The following CCDC59 variants were observed in gnomAD, a reference collection of about 807,000 sequenced individuals.
CCDC59 encodes the protein thyroid transcription factor 1-associated protein 26.
CCDC59 carries 27 observed loss-of-function variants against 30.5 expected under a neutral mutation model. The observed-to-expected ratio is 0.89, with a 90% CI of 0.65 to 1.22. The LOEUF (loss-of-function observed/expected upper bound fraction) is 1.22, where lower values mean the gene tolerates loss of function less well. Ranked by LOEUF, CCDC59 falls within the 50% of genes most tolerant of loss-of-function variation. The pLI is 0.00. For synonymous variants in CCDC59, 125 were observed against 100.9 expected, an observed-to-expected ratio of 1.24 and a Z score of -1.43; for missense variants, 362 against 284.4, an observed-to-expected ratio of 1.27 and a Z score of -1.96.
chr12:82,358,462 G>A (rs113490046), upstream of CCDC59: 29 of 1,602,324 alleles, frequency 1.8e-5, 1 homozygote, highest in African/African-American at 1.9e-4. Context: ...TCGCTCAGAA[G>A]GAATCCGGCT....
chr12:82,358,179 C>G (rs535564580), intron 1 of CCDC59, 44 bp downstream of exon 1: 11 of 1,612,020 alleles, frequency 6.8e-6, no homozygotes, highest in Middle Eastern at 1.7e-4. Context: ...TATCCTAAAA[C>G]TTAGCAAGCC....
Position 82,357,236 on chromosome 12 carries a change from A to T in CCDC59, c.188T>A (p.Ile63Lys), listed in dbSNP as rs966625252. 5.0e-6 allele frequency: 8 copies of T among 1,613,618 alleles called. No individual in the cohort carries two copies. Among genetic ancestry groups the T allele is most frequent in the Non-Finnish European group, 6.8e-6 (8 of 1,179,772 alleles). Residue 63 changes from isoleucine to lysine, a missense_variant, in exon 2 of 4, where the codon ATA becomes AAA. Transcript: ENST00000256151. ...TAGCAATTTCTTGTAACTTTGCTGTATTTTCAGTTTTCTTCGAAAAGCAAA... is the reference window on the plus strand; with the variant it reads ...TAGCAATTTCTTGTAACTTTGCTGTTTTTTCAGTTTTCTTCGAAAAGCAAA... ...QGFAFRRKLK[I>K]QQSYKKLLRK...
chr12:82,353,197 T>A lies in CCDC59; in HGVS notation c.680A>T (p.Asn227Ile). The A allele has an allele frequency of 6.2e-7, 1 of 1,610,446 alleles. No individual in the cohort carries two copies. Among genetic ancestry groups the A allele is most frequent in the Non-Finnish European group, 8.5e-7 (1 of 1,179,200 alleles). The change falls in exon 4 of 4, where the codon AAT (asparagine) becomes ATT (isoleucine). Residue 227 changes from asparagine to isoleucine, a missense_variant. By Grantham distance (149) the Asn-to-Ile change is moderately radical (BLOSUM62 -3). Transcript: ENST00000256151. ...TTGAAGAAGGTACTCCATTTGTACA[T>A]TCAAGTTTGGTTGGCCCTTTTTAGT... The part of the protein sequence containing the change: ...KKTKKGQPNL[N>I]VQMEYLLQKI...
chr12:82,353,363 G>A (rs369268859), intron 3 of CCDC59, 51 bp from the exon 4 acceptor site: 62 of 1,422,904 alleles, frequency 4.4e-5, no homozygotes, highest in African/African-American at 1.4e-5. Context: ...AGTAGATACA[G>A]TTCAGAAATT....
chr12:82,354,020 G>GT lies in CCDC59; in HGVS notation c.564+474dup, dbSNP rs34312454. Among the ~76,000 whole-genome samples, 85 of 149,374 alleles carry GT rather than the reference G, an allele frequency of 5.7e-4. 1 individual carries two copies. Among genetic ancestry groups the GT allele is most frequent in the African/African-American group, 1.6e-3 (67 of 40,742 alleles). The stretch of plus-strand genomic sequence containing the variant: ...CTTTTGCTAAGCTAAAATAATAGTT[G>GT]TTTTTTTTTTTTAAACAGGCAAGAA... On this transcript the variant is annotated intron_variant, in intron 3 of 3. Coordinates refer to ENST00000256151, the MANE Select transcript of CCDC59 (RefSeq NM_014167.5).
chr12:82,356,870 G>GA (rs1565785441), intron 2 of CCDC59, 90 bp downstream of exon 2: 1 of 1,061,076 alleles, frequency 9.4e-7, no homozygotes, highest in African/African-American at 1.6e-5. Flanking sequence ...TGTTAAATAA[G>GA]AAAAAATACA....
At position 82,357,205 on chromosome 12, in the gene CCDC59, C is replaced by T; in HGVS notation, c.219G>A (p.Lys73=). The change falls in exon 2 of 4, where the codon AAG becomes AAA. Residue 73 remains lysine (K), a synonymous_variant. Transcript: ENST00000256151. Reference sequence around the variant, plus strand: ...CCAGTGACGTTTGAGCCTTCTTTTCCTTCCGTAGCAATTTCTTGTAACTTT... The same window carrying T: ...CCAGTGACGTTTGAGCCTTCTTTTCTTTCCGTAGCAATTTCTTGTAACTTT... ...IQQSYKKLLR[K]EKKAQTSLES... 6.2e-7 allele frequency: 1 copy of T among 1,614,106 alleles called. No individual in the cohort carries two copies. Among genetic ancestry groups the T allele is most frequent in the Non-Finnish European group, 8.5e-7 (1 of 1,179,990 alleles).
At position 82,354,500 on chromosome 12, in the gene CCDC59, T is replaced by C; in HGVS notation, c.559A>G (p.Lys187Glu). The C allele has an allele frequency of 2.5e-6, 4 of 1,589,528 alleles. No individual in the cohort carries two copies. The highest frequency in any genetic ancestry group is 3.4e-6 in the Non-Finnish European group (4 of 1,167,952). Residue 187 changes from lysine (K) to glutamate (E), a missense_variant, in exon 3 of 4, where the codon AAA becomes GAA. Physicochemically the swap from Lys to Glu is moderately conservative, Grantham distance 56. Coordinates refer to ENST00000256151, the MANE Select transcript of CCDC59 (RefSeq NM_014167.5). The part of the protein sequence containing the change: ...EQIQAKRAAK[K>E]QEFERRKQER... ...ATTTTCAAAGTAGAACTTACTTGTT[T>C]CTTAGCAGCACGTTTGGCTTGTATC...
At chr12:82,355,516 G>A (rs930954880) in intron 2 of CCDC59, 3 of 152,258 alleles carry the variant, frequency 2.0e-5, no homozygotes, top group Non-Finnish European at 4.4e-5. Flanking sequence ...AATTGTGAAG[G>A]AAAAATAAAT....
upstream of CCDC59, chr12:82,358,731 G>C (rs1296889798): frequency 4.3e-6 from 7 of 1,614,038 alleles, no homozygotes; most frequent in East Asian, 1.1e-4. Context: ...CTTGCCACCG[G>C]AGACAGTGCT....
chr12:82,353,202 G>A lies in CCDC59; in HGVS notation c.675C>T (p.Asn225=), dbSNP rs1475426518. The change falls in exon 4 of 4, where the codon AAC becomes AAT. Residue 225 remains asparagine (N), a synonymous_variant. Transcript: ENST00000256151. ...GAAGGTACTCCATTTGTACATTCAA[G>A]TTTGGTTGGCCCTTTTTAGTCTTTT... is the stretch of plus-strand genomic sequence containing the variant. ...LNKKTKKGQP[N]LNVQMEYLLQ... 6.2e-7 allele frequency: 1 copy of A among 1,610,278 alleles called. No homozygotes were observed. Among genetic ancestry groups the A allele is most frequent in the Admixed American group, 1.7e-5 (1 of 59,392 alleles).
chr12:82,353,352 C>G (rs563915330), intron 3 of CCDC59, 40 bp from the exon 4 acceptor site: 13 of 1,461,796 alleles, frequency 8.9e-6, no homozygotes, highest in Non-Finnish European at 1.1e-5. Flanking sequence ...TAGCAACAAA[C>G]AGTAGATACA....
intron 2 of CCDC59, 76 bp from the exon 3 acceptor site, chr12:82,354,670 T>C (rs1049375510): frequency 8.9e-6 from 12 of 1,351,976 alleles, no homozygotes; most frequent in African/African-American, 4.5e-5. Context: ...CAGTTGTAGC[T>C]TTTAAGAGTA....
Position 82,354,243 on chromosome 12 carries a change from T to G in CCDC59, c.564+252A>C, listed in dbSNP as rs529417457. On this transcript the variant is annotated intron_variant, in intron 3 of 3. Transcript: ENST00000256151. ...AAACTCAGTGAAACTTTGTCCCAGATGTTCACAATATTGACCTATAAACAA... is the reference window on the plus strand; with the variant it reads ...AAACTCAGTGAAACTTTGTCCCAGAGGTTCACAATATTGACCTATAAACAA... Among the ~76,000 whole-genome samples, 6 of 152,276 alleles carry G rather than the reference T, an allele frequency of 3.9e-5. No homozygotes were observed. The South Asian group carries it at 1.0e-3, about 26-fold the overall frequency.
Position 82,358,363 on chromosome 12 carries a change from C to G in CCDC59, c.14G>C (p.Arg5Thr). 6.2e-7 allele frequency: 1 copy of G among 1,613,614 alleles called. No homozygotes were observed. Among genetic ancestry groups the G allele is most frequent in the Non-Finnish European group, 8.5e-7 (1 of 1,180,022 alleles). ...ACCAGGCCGCCACTTCGCGGACCGC[C>G]TCACCGGCGCCATTGCAGCCGACTA... is the stretch of plus-strand genomic sequence containing the variant. MAPVRRSAKWRPGGI... is the reference protein window; with the variant it reads MAPVTRSAKWRPGGI... Residue 5 changes from arginine to threonine, a missense_variant, in exon 1 of 4, where the codon AGG becomes ACG. Coordinates refer to ENST00000256151, the MANE Select transcript of CCDC59 (RefSeq NM_014167.5).
At chr12:82,358,804 TGGAAGCAGAGTG>T (rs778726275), upstream of CCDC59, 4 of 1,607,684 alleles carry the variant, frequency 2.5e-6, no homozygotes, top group African/African-American at 5.5e-5. Context: ...CGCCCCCTAG[TGGAAGCAGAGTG>T]GGAAGCAGGT....
Position 82,352,523 on chromosome 12 carries a change from G to A in CCDC59, c.*628C>T, listed in dbSNP as rs1392777806. On this transcript the variant is annotated 3_prime_UTR_variant, in exon 4 of 4. Transcript: ENST00000256151. ...TTAAAGTATAGGGTCCATAGGAACTGGAAAGCTTAATTCTTGCTGTGACAC... is the reference window on the plus strand; with the variant it reads ...TTAAAGTATAGGGTCCATAGGAACTAGAAAGCTTAATTCTTGCTGTGACAC... The A allele has an allele frequency of 2.6e-5, 4 of 152,206 alleles. No individual in the cohort carries two copies. Among genetic ancestry groups the A allele is most frequent in the Admixed American group, 6.5e-5 (1 of 15,290 alleles). 9.4% of individuals were successfully genotyped at this position (152,206 alleles called of 1,614,324 possible).
chr12:82,354,632 T>G, intron 2 of CCDC59, 38 bp from the exon 3 acceptor site: 1 of 1,525,384 alleles, frequency 6.6e-7, no homozygotes, highest in Non-Finnish European at 8.8e-7. Context: ...ACTTTATTAG[T>G]AAAATGTCCA....
chr12:82,353,454 T>G, intron 3 of CCDC59, 142 bp from the exon 4 acceptor site: 1 of 602,436 alleles, frequency 1.7e-6, no homozygotes, highest in Non-Finnish European at 2.8e-6. Flanking sequence ...TTCTCCTAAT[T>G]GAAGCAAAGT....
Sources: gnomAD v4.1 joint callset for allele counts (sites outside exome capture counted in the v4.1 genomes callset) on GRCh38, gnomAD v4.1.1 for gene constraint, MANE v1.5 for transcripts, NCBI Gene and HGNC (gene_info 2026-07-23, HGNC 2026-07-21) for gene names.